SHANK1: variants seen among roughly 807,000 people sequenced by gnomAD.
SHANK1 encodes SH3 and multiple ankyrin repeat domains protein 1.
SHANK1 carries 35 observed loss-of-function variants against 165.6 expected under a neutral mutation model. That is an observed-to-expected ratio of 0.21 (90% confidence interval 0.16 to 0.28). The LOEUF (loss-of-function observed/expected upper bound fraction) is 0.28, where lower values mean the gene tolerates loss of function less well. SHANK1 is among the 10% of genes least tolerant of loss of function. The pLI, the probability that SHANK1 is intolerant of heterozygous loss-of-function variation, is 1.00. For missense variants in SHANK1, 2,681 were observed against 3,036.4 expected (o/e 0.88, Z 2.75); for synonymous variants, 1,428 against 1,384.8 (o/e 1.03, Z -0.69).
Position 50,667,842 on chromosome 19 carries a change from G to A in SHANK1, c.4118C>T (p.Ala1373Val). ...TGGGGGCCTGGGAGGCGGCTGGGGG[G>A]CCCCGCCGCCCTCCGAGGACTCCTT... ...ALKESSEGGG[A>V]PQPPPRPPSP... The change falls in exon 23 of 24, where the codon GCC (alanine) becomes GTC (valine). Residue 1373 changes from alanine (A) to valine (V), a missense_variant. Around this residue, in one of 10 missense-constraint regions of SHANK1, gnomAD observed 1,713 missense variants for 1,630.2 expected, o/e 1.05. Coordinates refer to ENST00000293441, the MANE Select transcript of SHANK1 (RefSeq NM_016148.5). This position sits in a 1 kb window ranked among gnomAD's most constrained non-coding sequence, Gnocchi z 5.7. The A allele has an allele frequency of 1.5e-6, 2 of 1,295,644 alleles. No individual in the cohort carries two copies. Among genetic ancestry groups the A allele is most frequent in the Non-Finnish European group, 1.9e-6 (2 of 1,026,080 alleles). 80.3% of individuals were successfully genotyped at this position (1,295,644 alleles called of 1,614,324 possible).
intron 21 of SHANK1, among the ~76,000 whole-genome samples, chr19:50,683,935 C>G (rs537720377): frequency 1.3e-5 from 2 of 152,312 alleles, no homozygotes; most frequent in South Asian, 4.1e-4. Context: ...AGGTCTTGGA[C>G]TTTGGTTCTG....
At chr19:50,712,866 A>C (rs2089023888) in intron 6 of SHANK1, among the ~76,000 whole-genome samples, 1 of 151,790 alleles carries the variant, frequency 6.6e-6, no homozygotes, top group Non-Finnish European at 1.5e-5. Flanking sequence ...TTTTAATTTT[A>C]CTTCATTCTA....
Position 50,662,727 on chromosome 19 carries a change from G to C in SHANK1, c.5769-45C>G. The stretch of plus-strand genomic sequence containing the variant: ...CAGTGGGGGAGGACAGGGATTTAGG[G>C]GGCAAGGGCAGGGGTGAGAAAGAGG... On this transcript the variant is annotated intron_variant, in intron 23 of 23. Coordinates refer to ENST00000293441, the MANE Select transcript of SHANK1 (RefSeq NM_016148.5). The surrounding 1 kb of genome is among the most constrained non-coding windows in gnomAD (Gnocchi z 7.7). The C allele has an allele frequency of 6.5e-7, 1 of 1,548,956 alleles. No homozygotes were observed. Among genetic ancestry groups the C allele is most frequent in the South Asian group, 1.2e-5 (1 of 83,910 alleles).
chr19:50,687,191 C>T (rs1986376680), intron 19 of SHANK1, among the ~76,000 whole-genome samples: 1 of 151,952 alleles, frequency 6.6e-6, no homozygotes, highest in Non-Finnish European at 1.5e-5. Flanking sequence ...AATGGGACCC[C>T]CAGGTCCACT....
rs765698954 is a variant in SHANK1 at position 50,666,472 on chromosome 19, C to T, written c.5488G>A (p.Ala1830Thr). The T allele has an allele frequency of 6.2e-7, 1 of 1,602,882 alleles. No individual in the cohort carries two copies. Among genetic ancestry groups the T allele is most frequent in the South Asian group, 1.1e-5 (1 of 90,072 alleles). ...PEVPPVPLPT[A>T]SSLPRKLLPW... ...AGCAGCTTCCGGGGCAGAGAGGAGGCCGTCGGCAAGGGCACCGGTGGGACT... is the reference window on the plus strand; with the variant it reads ...AGCAGCTTCCGGGGCAGAGAGGAGGTCGTCGGCAAGGGCACCGGTGGGACT... Residue 1830 changes from alanine to threonine, a missense_variant, in exon 23 of 24, where the codon GCC becomes ACC. Transcript: ENST00000293441.
intron 19 of SHANK1, chr19:50,687,034 G>A (rs933290009): frequency 1.3e-6 from 2 of 1,486,430 alleles, no homozygotes; most frequent in African/African-American, 1.5e-5. Flanking sequence ...CTTCTTCCAG[G>A]GGGAGACTAG....
chr19:50,687,829 G>T, intron 18 of SHANK1, 94 bp downstream of exon 18: 1 of 1,523,012 alleles, frequency 6.6e-7, no homozygotes, highest in East Asian at 2.3e-5. Flanking sequence ...TGCTAGGGAA[G>T]GGAAGGCCTT....
chr19:50,672,785 C>T (rs1280077192), intron 21 of SHANK1, among the ~76,000 whole-genome samples: 1 of 152,094 alleles, frequency 6.6e-6, no homozygotes, highest in Admixed American at 6.6e-5. Context: ...CCTTGATCCC[C>T]CACCCTGTTC....
chr19:50,667,304 G>A lies in SHANK1; in HGVS notation c.4656C>T (p.Pro1552=), dbSNP rs1985568177. 1.3e-6 allele frequency: 2 copies of A among 1,592,270 alleles called. No homozygotes were observed. Among genetic ancestry groups the A allele is most frequent in the African/African-American group, 1.3e-5 (1 of 74,964 alleles). The change falls in exon 23 of 24, where the codon CCC becomes CCT. Residue 1552 remains proline (P), a synonymous_variant. Transcript: ENST00000293441. The surrounding 1 kb of genome is among the most constrained non-coding windows in gnomAD (Gnocchi z 5.7). ...ATTCGCCATCTTCCACATCCACCGA[G>A]GGGGCGGGAGGCGGCAGGACCAGCA... ...LPLLVLPPPA[P]SVDVEDGEFL... is the part of the protein sequence containing the mutation.
Position 50,702,604 on chromosome 19 carries a change from G to A in SHANK1, c.1610C>T (p.Pro537Leu). 1 of 1,598,598 alleles carries A rather than the reference G, an allele frequency of 6.3e-7. No homozygotes were observed. Residue 537 changes from proline to leucine, a missense_variant, in exon 12 of 24, where the codon CCC becomes CTC. Coordinates refer to ENST00000293441, the MANE Select transcript of SHANK1 (RefSeq NM_016148.5). The surrounding 1 kb of genome is among the most constrained non-coding windows in gnomAD (Gnocchi z 5.3). The stretch of plus-strand genomic sequence containing the variant: ...CCCGCGGCTGCCCAGGGAGCCCCCG[G>A]GGCCCCCTGAGCCCCCCGTGCCCCC... ...PAGGTGGSGGPGGSLGSRGRR... is the reference protein window; with the variant it reads ...PAGGTGGSGGLGGSLGSRGRR...
At position 50,697,568 on chromosome 19, in the gene SHANK1, C is replaced by T. The variant is rs774951930; in HGVS notation, c.1937+21G>A. 74 of 1,601,006 alleles carry T rather than the reference C, an allele frequency of 4.6e-5. No individual in the cohort carries two copies. Among genetic ancestry groups the T allele is most frequent in the Middle Eastern group, 3.3e-4 (2 of 6,060 alleles). On this transcript the variant is annotated intron_variant, in intron 14 of 23. Transcript: ENST00000293441. The surrounding 1 kb of genome is among the most constrained non-coding windows in gnomAD (Gnocchi z 4.7). ...GGAACTTGGGGTGAGGGGGGTTGCCCGAGGGTGTAAGGACATTTACCTTGG... is the reference window on the plus strand; with the variant it reads ...GGAACTTGGGGTGAGGGGGGTTGCCTGAGGGTGTAAGGACATTTACCTTGG...
rs1354176873 is a variant in SHANK1 at position 50,688,465 on chromosome 19, C to G, written c.2172+379G>C. ...TCCAGAATAGCTGGGACCTCAGGCA[C>G]ACAGCACCGGCTAATTTTTTTTTTA... On this transcript the variant is annotated intron_variant, in intron 17 of 23. Coordinates refer to ENST00000293441, the MANE Select transcript of SHANK1 (RefSeq NM_016148.5). This position sits in a 1 kb window ranked among gnomAD's most constrained non-coding sequence, Gnocchi z 6.7. 6.6e-6 allele frequency among the ~76,000 whole-genome samples: 1 copy of G among 152,168 alleles called. No homozygotes were observed. The highest frequency in any genetic ancestry group is 2.4e-5 in the African/African-American group (1 of 41,440).
Position 50,702,358 on chromosome 19 carries a change from G to A in SHANK1, c.1747+109C>T, listed in dbSNP as rs1986944450. 1.0e-6 allele frequency: 1 copy of A among 954,426 alleles called. No individual in the cohort carries two copies. Among genetic ancestry groups the A allele is most frequent in the Non-Finnish European group, 1.5e-6 (1 of 651,636 alleles). The allele number at this position is 954,426 out of a possible 1,614,324, so 59.1% of individuals were successfully genotyped here. ...CCTGGGGCTCTCTGAGGTCTCCAGAGTGCATGAGATACTCCAGGTGCCCGA... is the reference window on the plus strand; with the variant it reads ...CCTGGGGCTCTCTGAGGTCTCCAGAATGCATGAGATACTCCAGGTGCCCGA... On this transcript the variant is annotated intron_variant, in intron 12 of 23. Transcript: ENST00000293441. This position sits in a 1 kb window ranked among gnomAD's most constrained non-coding sequence, Gnocchi z 5.3.
At position 50,703,656 on chromosome 19, in the gene SHANK1, G is replaced by A. The variant is rs751142375; in HGVS notation, c.1397C>T (p.Ser466Leu). 11 of 1,516,720 alleles carry A rather than the reference G, an allele frequency of 7.3e-6. No homozygotes were observed. The South Asian group carries it at 1.4e-4, about 19-fold the overall frequency. 94.0% of individuals were successfully genotyped at this position (1,516,720 alleles called of 1,614,324 possible). A position where few individuals can be genotyped will look rare whatever the true frequency, so the allele number is the denominator to read the frequency against. Reference protein sequence around the residue: ...AASSGAPGPTSGSQGQSQPSA... With the variant: ...AASSGAPGPTLGSQGQSQPSA... Reference sequence around the variant, plus strand: ...GGGCTGCGACTGGCCCTGGGACCCTGAGGTAGGGCCAGGGGCCCCAGAGGA... The same window carrying A: ...GGGCTGCGACTGGCCCTGGGACCCTAAGGTAGGGCCAGGGGCCCCAGAGGA... The change falls in exon 11 of 24, where the codon TCA (serine) becomes TTA (leucine). Residue 466 changes from serine to leucine, a missense_variant. Around this residue, in one of 10 missense-constraint regions of SHANK1, gnomAD observed 195 missense variants for 186.2 expected, o/e 1.05. Coordinates refer to ENST00000293441, the MANE Select transcript of SHANK1 (RefSeq NM_016148.5).
intron 12 of SHANK1, among the ~76,000 whole-genome samples, chr19:50,699,910 G>A (rs2123166592): frequency 1.4e-5 from 2 of 144,440 alleles, no homozygotes; most frequent in Middle Eastern, 3.9e-3. Flanking sequence ...TGGAGGATTG[G>A]AGGGCTCGGG....
Position 50,717,935 on chromosome 19 carries a change from C to T in SHANK1, c.-43-973G>A, listed in dbSNP as rs973684523. 7.2e-5 allele frequency among the ~76,000 whole-genome samples: 11 copies of T among 151,970 alleles called. No homozygotes were observed. The highest frequency in any genetic ancestry group is 2.4e-4 in the African/African-American group (10 of 41,352). On this transcript the variant is annotated intron_variant, in intron 1 of 23. Coordinates refer to ENST00000293441, the MANE Select transcript of SHANK1 (RefSeq NM_016148.5). The surrounding 1 kb of genome is among the most constrained non-coding windows in gnomAD (Gnocchi z 5.5). ...TCCTTGCTGTTCTCCCTTGAGGTGG[C>T]CTTATGAGGGTGGAGCCCCTTCCAA...
At chr19:50,677,127 C>CTTT (rs750956099) in intron 21 of SHANK1, among the ~76,000 whole-genome samples, 7 of 138,130 alleles carry the variant, frequency 5.1e-5, no homozygotes, top group East Asian at 2.1e-4. Flanking sequence ...CTATCTCATA[C>CTTT]TTTTTTTTTT....
At chr19:50,711,557 C>A in intron 7 of SHANK1, 70 bp from the exon 8 acceptor site, 2 of 1,137,674 alleles carry the variant, frequency 1.8e-6, no homozygotes, top group South Asian at 1.3e-5. Context: ...AAGAGTCTGT[C>A]TATGACCTGT....
At position 50,716,233 on chromosome 19, in the gene SHANK1, G is replaced by T; in HGVS notation, c.459+42C>A. The T allele has an allele frequency of 6.3e-7, 1 of 1,578,232 alleles. No homozygotes were observed. The highest frequency in any genetic ancestry group is 8.7e-7 in the Non-Finnish European group (1 of 1,148,450). On this transcript the variant is annotated intron_variant, in intron 3 of 23. Coordinates refer to ENST00000293441, the MANE Select transcript of SHANK1 (RefSeq NM_016148.5). The surrounding 1 kb of genome is among the most constrained non-coding windows in gnomAD (Gnocchi z 8.4). ...GGGTGGGGGGCAGATGTGTTTTAGG[G>T]CATGCCTTCTCTTATCAGTGAAGGA...
Sources: gnomAD v4.1 joint callset for allele counts (sites outside exome capture counted in the v4.1 genomes callset) on GRCh38, gnomAD v4.1.1 for gene constraint, gnomAD v4.1.1 regional missense constraint, Gnocchi (gnomAD v3.1) non-coding constraint, MANE v1.5 for transcripts, NCBI Gene and HGNC (gene_info 2026-07-23, HGNC 2026-07-21) for gene names.